Variants in TDRD5 observed in about 807,000 individuals in gnomAD.
TDRD5 encodes the protein tudor domain-containing protein 5.
A neutral mutation model predicts 120.6 loss-of-function variants in TDRD5; 41 were observed. The ratio of observed to expected loss-of-function variants is 0.34; its 90% CI spans 0.26 to 0.44. The LOEUF (loss-of-function observed/expected upper bound fraction) is 0.44. Ranked by LOEUF, TDRD5 falls within the 20% of genes least tolerant of loss-of-function variation. TDRD5 has a pLI of 1.00. For synonymous variants in TDRD5, 430 were observed against 433.7 expected (o/e 0.99, Z 0.11); for missense variants, 1,006 against 1,221.2 (o/e 0.82, Z 2.63).
intron 14 of TDRD5, among the ~76,000 whole-genome samples, chr1:179,657,844 A>AT (rs1319799578): frequency 6.6e-6 from 1 of 152,008 alleles, no homozygotes. Flanking sequence ...CATATTTGTT[A>AT]TTTTTTTGTG....
chr1:179,664,664 T>C (rs913387542), intron 16 of TDRD5, among the ~76,000 whole-genome samples: 1 of 152,182 alleles, frequency 6.6e-6, no homozygotes, highest in East Asian at 1.9e-4. Flanking sequence ...CTGAATAATA[T>C]TCCCTTCTAT....
At chr1:179,682,067 T>G (rs533724463) in intron 17 of TDRD5, among the ~76,000 whole-genome samples, 1 of 147,284 alleles carries the variant, frequency 6.8e-6, no homozygotes, top group East Asian at 2.0e-4. Context: ...ACAACTGTTT[T>G]AATATCCATG....
At chr1:179,621,232 T>C (rs1676828406) in intron 6 of TDRD5, 141 bp downstream of exon 6, 13 of 610,980 alleles carry the variant, frequency 2.1e-5, no homozygotes, top group Middle Eastern at 2.7e-4. Flanking sequence ...TAGTATATTA[T>C]AAGACTTGAG....
chr1:179,645,852 C>CA (rs57465328), intron 11 of TDRD5, among the ~76,000 whole-genome samples: 2 of 150,444 alleles, frequency 1.3e-5, no homozygotes, highest in African/African-American at 2.4e-5. Context: ...TCTACTAATG[C>CA]AAAAAAAAAC....
At chr1:179,680,966 C>T (rs538079759) in intron 17 of TDRD5, among the ~76,000 whole-genome samples, 47 of 152,276 alleles carry the variant, frequency 3.1e-4, no homozygotes, top group African/African-American at 9.6e-4. Context: ...TTAACCCAAG[C>T]ATATCAATTG....
At position 179,603,013 on chromosome 1, in the gene TDRD5, G is replaced by A. The variant is rs546800804; in HGVS notation, c.831+7195G>A. Among the ~76,000 whole-genome samples, 288 of 152,268 alleles carry A rather than the reference G, an allele frequency of 1.9e-3. 1 individual carries two copies. The highest frequency in any genetic ancestry group is 3.5e-3 in the Non-Finnish European group (239 of 68,006). On this transcript the variant is annotated intron_variant, in intron 4 of 17. Coordinates refer to ENST00000444136, the MANE Select transcript of TDRD5 (RefSeq NM_001199085.3). ...ATTGATTCTATCCATCCATGAGCAT[G>A]GGATGTGTTTCCATTTGTTTGTTTC... is the stretch of plus-strand genomic sequence containing the variant.
intron 4 of TDRD5, among the ~76,000 whole-genome samples, chr1:179,613,642 T>G (rs1676400893): frequency 6.6e-6 from 1 of 152,206 alleles, no homozygotes; most frequent in South Asian, 2.1e-4. Flanking sequence ...AGGTCTTTCA[T>G]TGTGTCCCCA....
chr1:179,627,580 T>C (rs1019045024), intron 6 of TDRD5, among the ~76,000 whole-genome samples: 1 of 152,204 alleles, frequency 6.6e-6, no homozygotes, highest in Admixed American at 6.5e-5. Flanking sequence ...TAAATTGAGT[T>C]TGGAACATCT....
chr1:179,631,789 A>G (rs2102002487), intron 7 of TDRD5, among the ~76,000 whole-genome samples: 1 of 146,692 alleles, frequency 6.8e-6, no homozygotes, highest in Admixed American at 6.8e-5. Flanking sequence ...TTTTCCAAGA[A>G]TGTCTTTTTT....
At chr1:179,601,596 ATTCC>A (rs1675715927) in intron 4 of TDRD5, among the ~76,000 whole-genome samples, 1 of 152,194 alleles carries the variant, frequency 6.6e-6, no homozygotes, top group Non-Finnish European at 1.5e-5. Context: ...CCACTGATTC[ATTCC>A]TTTTTTATGG....
intron 11 of TDRD5, among the ~76,000 whole-genome samples, chr1:179,642,768 T>A (rs1441216144): frequency 1.3e-5 from 2 of 152,170 alleles, no homozygotes; most frequent in Non-Finnish European, 2.9e-5. Flanking sequence ...ACTAAATGAA[T>A]CTCTCACTTT....
chr1:179,634,594 A>G lies in TDRD5; in HGVS notation c.1264A>G (p.Lys422Glu), dbSNP rs376354689. 1 of 1,613,876 alleles carries G rather than the reference A, an allele frequency of 6.2e-7. No homozygotes were observed. Among genetic ancestry groups the G allele is most frequent in the Non-Finnish European group, 8.5e-7 (1 of 1,179,944 alleles). The change falls in exon 8 of 18, where the codon AAG (lysine) becomes GAG (glutamate). Residue 422 changes from lysine (K) to glutamate (E), a missense_variant. Lys to Glu is a moderately conservative substitution (Grantham distance 56). Around this residue, in one of 3 missense-constraint regions of TDRD5, gnomAD observed 445 missense variants for 515.5 expected, o/e 0.86. Transcript: ENST00000444136. ...KQKEPQQKIC[K>E]KPNLVVKPLQ... Reference sequence around the variant, plus strand: ...AAAAGAGCCACAACAGAAGATTTGCAAGAAGCCTAATCTGGTGGTAAAGCC... The same window carrying G: ...AAAAGAGCCACAACAGAAGATTTGCGAGAAGCCTAATCTGGTGGTAAAGCC...
At chr1:179,646,261 TC>T (rs773712050) in intron 11 of TDRD5, among the ~76,000 whole-genome samples, 10 of 152,212 alleles carry the variant, frequency 6.6e-5, no homozygotes, top group Non-Finnish European at 1.2e-4. Flanking sequence ...GCACTTTAAC[TC>T]CTTTACCCTC....
At chr1:179,609,178 T>C (rs536838823) in intron 4 of TDRD5, among the ~76,000 whole-genome samples, 32 of 152,150 alleles carry the variant, frequency 2.1e-4, no homozygotes, top group Non-Finnish European at 3.5e-4. Flanking sequence ...GGAACCAAAT[T>C]GGGTAGTACA....
intron 14 of TDRD5, among the ~76,000 whole-genome samples, chr1:179,661,741 C>A (rs1186266578): frequency 4.6e-5 from 7 of 151,968 alleles, no homozygotes; most frequent in Non-Finnish European, 1.0e-4. Context: ...TTCCAAAAAC[C>A]TTTTAGTACA....
intron 4 of TDRD5, among the ~76,000 whole-genome samples, chr1:179,599,512 G>A (rs1417340723): frequency 6.6e-6 from 1 of 151,598 alleles, no homozygotes; most frequent in African/African-American, 2.4e-5. Context: ...ACAGATATAG[G>A]GCTATTTTGT....
At chr1:179,605,193 C>T (rs1250987358) in intron 4 of TDRD5, among the ~76,000 whole-genome samples, 6 of 151,968 alleles carry the variant, frequency 3.9e-5, no homozygotes, top group African/African-American at 1.5e-4. Context: ...GAATACTTAC[C>T]CTTGCTTGCT....
intron 7 of TDRD5, among the ~76,000 whole-genome samples, chr1:179,633,628 G>T (rs986696205): frequency 6.6e-6 from 1 of 151,948 alleles, no homozygotes; most frequent in Non-Finnish European, 1.5e-5. Flanking sequence ...GGGATTACAG[G>T]TGTGAGCCAC....
chr1:179,606,507 G>A (rs72706717), intron 4 of TDRD5, among the ~76,000 whole-genome samples: 14,590 of 151,950 alleles, frequency 0.096, 800 homozygotes, highest in African/African-American at 0.13. Context: ...GAAACTCATC[G>A]CCTTATCCAA....
Sources: gnomAD v4.1 joint callset for allele counts (sites outside exome capture counted in the v4.1 genomes callset) on GRCh38, gnomAD v4.1.1 for gene constraint, gnomAD v4.1.1 regional missense constraint, MANE v1.5 for transcripts, NCBI Gene and HGNC (gene_info 2026-07-23, HGNC 2026-07-21) for gene names.